PEBP4: variants seen among roughly 807,000 people sequenced by gnomAD.
PEBP4 encodes the protein phosphatidylethanolamine binding protein 4, also known as phosphatidylethanolamine-binding protein 4.
A neutral mutation model predicts 23.9 loss-of-function variants in PEBP4; 22 were observed. That is an observed-to-expected ratio of 0.92 (90% confidence interval 0.66 to 1.31). The LOEUF (loss-of-function observed/expected upper bound fraction) is 1.31, where lower values mean the gene tolerates loss of function less well. Among genes scored for constraint, PEBP4 ranks in the 40% most tolerant of loss-of-function variants. The pLI is 0.00. For synonymous variants in PEBP4, 112 were observed against 99.3 expected, an observed-to-expected ratio of 1.13 and a Z score of -0.76; for missense variants, 324 against 281.7, an observed-to-expected ratio of 1.15 and a Z score of -1.07.
At chr8:22,781,289 C>CCGGGAGAG (rs1295478268) in intron 4 of PEBP4, among the ~76,000 whole-genome samples, 1 of 152,006 alleles carries the variant, frequency 6.6e-6, no homozygotes, top group Non-Finnish European at 1.5e-5. Flanking sequence ...GTAGGGAGTT[C>CCGGGAGAG]CGGGAGAGCC....
Position 22,727,182 on chromosome 8 carries a change from C to T in PEBP4, c.396G>A (p.Glu132=). 2 of 1,614,012 alleles carry T rather than the reference C, an allele frequency of 1.2e-6. No individual in the cohort carries two copies. The highest frequency in any genetic ancestry group is 1.7e-6 in the Non-Finnish European group (2 of 1,179,974). Residue 132 remains glutamate (E), a synonymous_variant, in exon 5 of 7, where the codon GAG becomes GAA. Coordinates refer to ENST00000256404, the MANE Select transcript of PEBP4 (RefSeq NM_144962.3). ...CCCTAGGGTCTTACTCACCTGATAA[C>T]TCCTGGCCCTGAATCTTCCCTTTCT... ...DLKKGKIQGQ[E]LSAYQAPSPP...
chr8:22,902,351 A>G (rs1808729142), intron 3 of PEBP4, among the ~76,000 whole-genome samples: 1 of 152,092 alleles, frequency 6.6e-6, no homozygotes, highest in Non-Finnish European at 1.5e-5. Context: ...AACAAAACCT[A>G]CATAAATTTT....
At chr8:22,914,989 T>A (rs923521462) in intron 3 of PEBP4, among the ~76,000 whole-genome samples, 8 of 152,156 alleles carry the variant, frequency 5.3e-5, no homozygotes, top group Non-Finnish European at 1.0e-4. Context: ...CTGTCTTAGA[T>A]GAGAAATTAT....
chr8:22,915,300 G>A (rs1809049285), intron 3 of PEBP4, among the ~76,000 whole-genome samples: 1 of 152,048 alleles, frequency 6.6e-6, no homozygotes, highest in South Asian at 2.1e-4. Context: ...CCAGCCACCA[G>A]CCAAACTTTA....
At chr8:22,878,213 A>AGAGGGAGGGGGAGAGG (rs1455684852) in intron 3 of PEBP4, 49 of 128,282 alleles carry the variant, frequency 3.8e-4, no homozygotes, top group East Asian at 1.3e-3. Flanking sequence ...GTGAGCATGG[A>AGAGGGAGGGGGAGAGG]GAGGGAGGGG....
chr8:22,800,676 C>T (rs533258888), intron 4 of PEBP4, among the ~76,000 whole-genome samples: 74 of 152,102 alleles, frequency 4.9e-4, no homozygotes, highest in Non-Finnish European at 8.2e-4. Context: ...TCAGAGCCTC[C>T]GGGATAAAAG....
At chr8:22,893,755 CAG>C (rs1808541360) in intron 3 of PEBP4, among the ~76,000 whole-genome samples, 1 of 151,608 alleles carries the variant, frequency 6.6e-6, no homozygotes, top group South Asian at 2.1e-4. Context: ...AAATAAAACA[CAG>C]AGAGAAAAAA....
At chr8:22,851,688 C>G (rs961417323) in intron 3 of PEBP4, among the ~76,000 whole-genome samples, 2 of 152,096 alleles carry the variant, frequency 1.3e-5, no homozygotes, top group Non-Finnish European at 2.9e-5. Context: ...ATCAGAATCC[C>G]ATTACCCATA....
upstream of PEBP4, among the ~76,000 whole-genome samples, chr8:22,928,471 G>C (rs1430973544): frequency 6.6e-6 from 1 of 152,208 alleles, no homozygotes; most frequent in Non-Finnish European, 1.5e-5. Context: ...GGTCTGGGGA[G>C]CTGCTTGGGG....
intron 3 of PEBP4, among the ~76,000 whole-genome samples, chr8:22,860,402 G>C (rs1461313513): frequency 6.6e-6 from 1 of 151,816 alleles, no homozygotes; most frequent in South Asian, 2.1e-4. Context: ...TCTCCCCCCA[G>C]CTCCTGGCAA....
chr8:22,778,816 G>A (rs1035007817), intron 4 of PEBP4, among the ~76,000 whole-genome samples: 5 of 152,160 alleles, frequency 3.3e-5, no homozygotes, highest in Non-Finnish European at 2.9e-5. Flanking sequence ...CTCTGCTGAG[G>A]CCATCTGAAG....
At chr8:22,785,504 G>A (rs775937168) in intron 4 of PEBP4, among the ~76,000 whole-genome samples, 20 of 152,152 alleles carry the variant, frequency 1.3e-4, no homozygotes, top group Non-Finnish European at 2.4e-4. Context: ...TGAGGTCGGC[G>A]GTCTGGCTTG....
intron 3 of PEBP4, among the ~76,000 whole-genome samples, chr8:22,878,797 T>C (rs1585320092): frequency 6.6e-6 from 1 of 152,130 alleles, no homozygotes; most frequent in East Asian, 1.9e-4. Context: ...AAGGGGAAAA[T>C]AGCCCTCCTT....
chr8:22,804,768 T>C (rs954939795), intron 4 of PEBP4, among the ~76,000 whole-genome samples: 2 of 152,094 alleles, frequency 1.3e-5, no homozygotes, highest in African/African-American at 2.4e-5. Context: ...CCTTGGTGAT[T>C]CTAACAAACG....
rs1182400446 is a variant in PEBP4 at position 22,731,845 on chromosome 8, T to G, written c.358-4625A>C. ...GGCTAATTTTTTTTTTTTTTTTAAT[T>G]TTTTTATTTTTAGTAGAGACGGGGT... is the stretch of plus-strand genomic sequence containing the variant. On this transcript the variant is annotated intron_variant, in intron 4 of 6. Transcript: ENST00000256404. 3.3e-5 allele frequency among the ~76,000 whole-genome samples: 5 copies of G among 151,136 alleles called. No homozygotes were observed. The East Asian group carries it at 9.6e-4, about 29-fold the overall frequency.
At chr8:22,869,285 C>A (rs530546374) in intron 3 of PEBP4, among the ~76,000 whole-genome samples, 1 of 152,190 alleles carries the variant, frequency 6.6e-6, no homozygotes, top group Non-Finnish European at 1.5e-5. Flanking sequence ...GGTTCCAGAT[C>A]GCTGTATGGT....
Position 22,770,424 on chromosome 8 carries a change from C to T in PEBP4, c.358-43204G>A, listed in dbSNP as rs1235807602. On this transcript the variant is annotated intron_variant, in intron 4 of 6. Coordinates refer to ENST00000256404, the MANE Select transcript of PEBP4 (RefSeq NM_144962.3). ...CTCAAATGCTGTGTGTTCGATGCCC[C>T]TCTGGCCTTGGCCGAAGCTGCATCC... 3.3e-5 allele frequency among the ~76,000 whole-genome samples: 5 copies of T among 152,274 alleles called. No homozygotes were observed. In the East Asian group the frequency reaches 9.6e-4, roughly 29 times the overall value.
At chr8:22,913,956 C>A (rs2128779445) in intron 3 of PEBP4, among the ~76,000 whole-genome samples, 1 of 148,946 alleles carries the variant, frequency 6.7e-6, no homozygotes, top group East Asian at 2.0e-4. Context: ...GTACCTAGGA[C>A]TACAGGTGTG....
chr8:22,816,730 T>A (rs919500271), intron 4 of PEBP4, among the ~76,000 whole-genome samples: 2 of 152,196 alleles, frequency 1.3e-5, no homozygotes, highest in African/African-American at 4.8e-5. Flanking sequence ...TCCCACTATC[T>A]TACAGAGTTG....
Sources: gnomAD v4.1 joint callset for allele counts (sites outside exome capture counted in the v4.1 genomes callset) on GRCh38, gnomAD v4.1.1 for gene constraint, MANE v1.5 for transcripts, NCBI Gene and HGNC (gene_info 2026-07-23, HGNC 2026-07-21) for gene names.